TRPM3: variants seen among roughly 807,000 people sequenced by gnomAD.
The protein encoded by TRPM3 is transient receptor potential cation channel subfamily M member 3, also known as long transient receptor potential channel 3.
Under a neutral mutation model 181.2 loss-of-function variants are expected in TRPM3, and 77 were observed. The observed-to-expected ratio is 0.42, with a 90% confidence interval of 0.35 to 0.51. The LOEUF is 0.51. Among genes scored for constraint, TRPM3 ranks in the 20% least tolerant of loss-of-function variants. The probability of loss-of-function intolerance (pLI) is 0.01; values close to 1 mark genes in which losing one functional copy is unlikely to be tolerated. For missense variants in TRPM3, 1,759 were observed against 2,196.7 expected, an observed-to-expected ratio of 0.80 and a Z score of 3.98; for synonymous variants, 745 against 796.4, an observed-to-expected ratio of 0.94 and a Z score of 1.09.
At chr9:70,940,205 T>C (rs1363858380) in intron 1 of TRPM3, among the ~76,000 whole-genome samples, 1 of 152,154 alleles carries the variant, frequency 6.6e-6, no homozygotes, top group Non-Finnish European at 1.5e-5. Context: ...GTTAAAACCT[T>C]TTGAGGTAGA....
intron 1 of TRPM3, among the ~76,000 whole-genome samples, chr9:71,177,513 C>T (rs940992897): frequency 6.6e-6 from 1 of 151,994 alleles, no homozygotes; most frequent in Non-Finnish European, 1.5e-5. Context: ...ACAAAATTGC[C>T]CAAGGATGCA....
intron 1 of TRPM3, among the ~76,000 whole-genome samples, chr9:71,393,164 G>A (rs115389276): frequency 1.8e-4 from 27 of 152,270 alleles, no homozygotes; most frequent in African/African-American, 6.0e-4. Flanking sequence ...CCTGGTTCAG[G>A]CCAAGGGAGT....
At chr9:71,045,895 T>C (rs932653893) in intron 1 of TRPM3, among the ~76,000 whole-genome samples, 2 of 152,036 alleles carry the variant, frequency 1.3e-5, no homozygotes, top group African/African-American at 4.8e-5. Flanking sequence ...CAAACAAAAA[T>C]AAATAGGATT....
upstream of TRPM3, among the ~76,000 whole-genome samples, chr9:71,126,134 C>T (rs2074016043): frequency 6.6e-6 from 1 of 152,168 alleles, no homozygotes; most frequent in South Asian, 2.1e-4. Flanking sequence ...CTCAACATCA[C>T]TGAATAGTGA....
intron 1 of TRPM3, among the ~76,000 whole-genome samples, chr9:71,210,069 C>T (rs529490338): frequency 2.0e-5 from 3 of 152,298 alleles, no homozygotes. Context: ...CGTCAGGGGA[C>T]CCAAAGGAGC....
chr9:71,077,301 T>C (rs576274808), intron 1 of TRPM3, among the ~76,000 whole-genome samples: 116 of 152,252 alleles, frequency 7.6e-4, no homozygotes, highest in African/African-American at 2.7e-3. Context: ...CACCAGACAC[T>C]ACCAAAGCCC....
At chr9:70,891,956 T>C (rs577992972) in intron 1 of TRPM3, among the ~76,000 whole-genome samples, 1 of 152,282 alleles carries the variant, frequency 6.6e-6, no homozygotes, top group African/African-American at 2.4e-5. Flanking sequence ...CATTTTATTA[T>C]ATAAGAAAGT....
At chr9:71,270,081 A>G (rs2083676948) in intron 1 of TRPM3, among the ~76,000 whole-genome samples, 1 of 152,154 alleles carries the variant, frequency 6.6e-6, no homozygotes. Flanking sequence ...TCATGCAGTT[A>G]ATGTCACTCC....
intron 1 of TRPM3, among the ~76,000 whole-genome samples, chr9:71,057,243 C>T (rs924685584): frequency 6.6e-6 from 1 of 151,966 alleles, no homozygotes; most frequent in Non-Finnish European, 1.5e-5. Context: ...CTCTTCTGGG[C>T]ACATTTAACT....
At chr9:70,961,138 G>GT (rs1276621664) in intron 1 of TRPM3, among the ~76,000 whole-genome samples, 3 of 152,166 alleles carry the variant, frequency 2.0e-5, no homozygotes, top group Non-Finnish European at 4.4e-5. Context: ...AGGCAGGCGA[G>GT]TAGGAGTCAG....
intron 25 of TRPM3, among the ~76,000 whole-genome samples, chr9:70,546,241 G>C (rs1476397952): frequency 6.6e-6 from 1 of 152,144 alleles, no homozygotes; most frequent in Non-Finnish European, 1.5e-5. Flanking sequence ...ATTAAAGTAT[G>C]GTTCCCAGAC....
At chr9:70,610,348 C>T (rs555977404) in intron 19 of TRPM3, among the ~76,000 whole-genome samples, 1 of 152,320 alleles carries the variant, frequency 6.6e-6, no homozygotes, top group South Asian at 2.1e-4. Context: ...AGGCAAGACT[C>T]ATACTCATCT....
intron 8 of TRPM3, among the ~76,000 whole-genome samples, chr9:70,741,543 G>T (rs977894907): frequency 4.6e-5 from 7 of 152,106 alleles, no homozygotes; most frequent in African/African-American, 1.7e-4. Flanking sequence ...AGCACAATTT[G>T]CAATTGTGAA....
At chr9:70,571,040 A>T (rs1301324126) in intron 22 of TRPM3, among the ~76,000 whole-genome samples, 3 of 152,098 alleles carry the variant, frequency 2.0e-5, no homozygotes, top group Non-Finnish European at 2.9e-5. Flanking sequence ...TGTCTCCCTG[A>T]TGTATCTTAC....
At chr9:70,540,376 C>T (rs1426988070) in intron 25 of TRPM3, among the ~76,000 whole-genome samples, 1 of 152,160 alleles carries the variant, frequency 6.6e-6, no homozygotes, top group African/African-American at 2.4e-5. Context: ...TTGTTTTGAC[C>T]TAACCGTAGT....
intron 1 of TRPM3, among the ~76,000 whole-genome samples, chr9:71,311,361 G>A (rs548655421): frequency 1.3e-5 from 2 of 152,180 alleles, no homozygotes; most frequent in South Asian, 4.1e-4. Flanking sequence ...AAGAAACTGT[G>A]AGTTTTAAAA....
intron 1 of TRPM3, among the ~76,000 whole-genome samples, chr9:71,062,278 AC>A (rs1054836335): frequency 2.0e-5 from 3 of 152,084 alleles, no homozygotes; most frequent in Non-Finnish European, 4.4e-5. Flanking sequence ...GTTTTAATCC[AC>A]CTTCCCTTTA....
At chr9:71,271,628 G>GA (rs201449806) in intron 1 of TRPM3, among the ~76,000 whole-genome samples, 68 of 142,736 alleles carry the variant, frequency 4.8e-4, no homozygotes, top group Middle Eastern at 3.6e-3. Context: ...AGAAGAAGAA[G>GA]AAAAAAAAAA....
intron 17 of TRPM3, among the ~76,000 whole-genome samples, chr9:70,617,990 A>C (rs185332130): frequency 6.0e-4 from 92 of 152,110 alleles, no homozygotes; most frequent in African/African-American, 2.0e-3. Context: ...CAAAACAAAA[A>C]CCAAAAAACT....
Sources: gnomAD v4.1 joint callset for allele counts (sites outside exome capture counted in the v4.1 genomes callset) on GRCh38, gnomAD v4.1.1 for gene constraint, MANE v1.5 for transcripts, NCBI Gene and HGNC (gene_info 2026-07-23, HGNC 2026-07-21) for gene names.